Variants in MARCHF4 observed in about 807,000 individuals in gnomAD.
The protein encoded by MARCHF4 is membrane associated ring-CH-type finger 4.
Under a neutral mutation model 43.9 loss-of-function variants are expected in MARCHF4, and 14 were observed. That is an observed-to-expected ratio of 0.32 (90% CI 0.21 to 0.50). MARCHF4 has a LOEUF of 0.50. Ranked by LOEUF, MARCHF4 falls within the 20% of genes least tolerant of loss-of-function variation. The probability of loss-of-function intolerance (pLI) is 0.98; values close to 1 mark genes in which losing one functional copy is unlikely to be tolerated. For missense variants in MARCHF4, 468 were observed against 536.7 expected (o/e 0.87, Z 1.27); for synonymous variants, 226 against 213.3 (o/e 1.06, Z -0.52).
intron 1 of MARCHF4, 54 bp from the exon 2 acceptor site, chr2:216,283,783 T>C: frequency 6.6e-7 from 1 of 1,510,688 alleles, no homozygotes; most frequent in South Asian, 1.3e-5. Flanking sequence ...GGCTGGTGGG[T>C]GAGTGATGGG....
intron 1 of MARCHF4, among the ~76,000 whole-genome samples, chr2:216,335,554 T>C (rs1429206198): frequency 1.3e-5 from 2 of 152,180 alleles, no homozygotes; most frequent in African/African-American, 4.8e-5. Context: ...TACCATCTAA[T>C]ATGAAATTCT....
chr2:216,368,835 G>A (rs1692707643), intron 1 of MARCHF4, among the ~76,000 whole-genome samples: 1 of 152,180 alleles, frequency 6.6e-6, no homozygotes, highest in Admixed American at 6.5e-5. Flanking sequence ...AGTTCCTGAA[G>A]AATGTACACA....
At chr2:216,354,959 C>CTTTT (rs1256584490) in intron 1 of MARCHF4, among the ~76,000 whole-genome samples, 6 of 135,222 alleles carry the variant, frequency 4.4e-5, no homozygotes, top group Admixed American at 3.0e-4. Flanking sequence ...TTCTTTCTTT[C>CTTTT]TTTCTTTCTT....
chr2:216,360,750 A>G (rs1353681387), intron 1 of MARCHF4, among the ~76,000 whole-genome samples: 2 of 152,244 alleles, frequency 1.3e-5, no homozygotes, highest in Non-Finnish European at 2.9e-5. Context: ...CATGTAATCT[A>G]TGGACTTTGG....
intron 1 of MARCHF4, among the ~76,000 whole-genome samples, chr2:216,297,423 C>T (rs796301675): frequency 1.3e-5 from 2 of 152,172 alleles, no homozygotes; most frequent in Non-Finnish European, 2.9e-5. Flanking sequence ...ACAGCCCACA[C>T]CTCTGCACTC....
intron 1 of MARCHF4, among the ~76,000 whole-genome samples, chr2:216,306,964 CCTCT>C (rs71988758): frequency 3.3e-5 from 5 of 150,790 alleles, no homozygotes; most frequent in African/African-American, 9.8e-5. Flanking sequence ...TACCTCCTGT[CCTCT>C]CTCTCTCTCT....
chr2:216,261,737 A>G (rs1690746582), intron 3 of MARCHF4, among the ~76,000 whole-genome samples: 1 of 152,196 alleles, frequency 6.6e-6, no homozygotes, highest in African/African-American at 2.4e-5. Flanking sequence ...TAGAGGTAGA[A>G]CTTGAAGACT....
intron 3 of MARCHF4, 33 bp downstream of exon 3, chr2:216,277,639 C>T (rs756053492): frequency 1.3e-6 from 2 of 1,560,752 alleles, no homozygotes; most frequent in Admixed American, 1.7e-5. Context: ...ACATGGTTCC[C>T]CACTTCCCAT....
At chr2:216,344,192 C>G (rs1037263606) in intron 1 of MARCHF4, among the ~76,000 whole-genome samples, 1 of 152,106 alleles carries the variant, frequency 6.6e-6, no homozygotes, top group African/African-American at 2.4e-5. Flanking sequence ...GAAAGACAAA[C>G]TAAAACAGAA....
Position 216,316,877 on chromosome 2 carries a change from C to T in MARCHF4, c.517-33148G>A, listed in dbSNP as rs190597224. On this transcript the variant is annotated intron_variant, in intron 1 of 3. Transcript: ENST00000273067. ...GCATAAGGGATGAGGAGAGACTAGT[C>T]ACTGGGCACATCAGAGGACTCCAAG... Among the ~76,000 whole-genome samples, 6 of 152,292 alleles carry T rather than the reference C, an allele frequency of 3.9e-5. No homozygotes were observed. The East Asian group carries it at 1.2e-3, about 29-fold the overall frequency.
chr2:216,269,487 A>G (rs542134183), intron 3 of MARCHF4, among the ~76,000 whole-genome samples: 1 of 152,156 alleles, frequency 6.6e-6, no homozygotes, highest in East Asian at 1.9e-4. Context: ...AAAAAGCACT[A>G]CTCCAAATAA....
chr2:216,318,053 A>T (rs1691811272), intron 1 of MARCHF4: 1 of 152,260 alleles, frequency 6.6e-6, no homozygotes, highest in African/African-American at 2.4e-5. Context: ...CATGTTGCTC[A>T]TTGCAGAATC....
intron 3 of MARCHF4, among the ~76,000 whole-genome samples, chr2:216,261,072 C>T (rs759970255): frequency 4.6e-5 from 7 of 152,090 alleles, no homozygotes; most frequent in African/African-American, 1.7e-4. Context: ...GCACCAGAGG[C>T]GGGCTATGGA....
At chr2:216,368,801 T>C (rs1179362886) in intron 1 of MARCHF4, among the ~76,000 whole-genome samples, 1 of 152,224 alleles carries the variant, frequency 6.6e-6, no homozygotes, top group Admixed American at 6.5e-5. Flanking sequence ...CTGTGATTCT[T>C]TGGAGAGTGT....
chr2:216,369,177 A>G (rs961818386), intron 1 of MARCHF4, among the ~76,000 whole-genome samples: 4 of 152,184 alleles, frequency 2.6e-5, no homozygotes, highest in Admixed American at 2.6e-4. Flanking sequence ...TGGACCTAGA[A>G]TCCCTCTCCA....
intron 1 of MARCHF4, among the ~76,000 whole-genome samples, chr2:216,311,806 A>G (rs1285117229): frequency 6.6e-6 from 1 of 152,082 alleles, no homozygotes; most frequent in Admixed American, 6.5e-5. Context: ...TTATTCTCCC[A>G]TCCATAGTGT....
intron 1 of MARCHF4, among the ~76,000 whole-genome samples, chr2:216,328,374 C>T (rs1289342347): frequency 6.6e-6 from 1 of 152,146 alleles, no homozygotes; most frequent in African/African-American, 2.4e-5. Flanking sequence ...ACCATGTTGG[C>T]CAGAATGGTC....
At chr2:216,274,799 A>C (rs1690994999) in intron 3 of MARCHF4, among the ~76,000 whole-genome samples, 1 of 152,228 alleles carries the variant, frequency 6.6e-6, no homozygotes, top group African/African-American at 2.4e-5. Flanking sequence ...CCTCTGTTTC[A>C]GAATTTCACA....
chr2:216,331,203 T>C (rs1407810303), intron 1 of MARCHF4, among the ~76,000 whole-genome samples: 1 of 152,010 alleles, frequency 6.6e-6, no homozygotes, highest in African/African-American at 2.4e-5. Flanking sequence ...TTTCAGACAC[T>C]AAGAAGTTAA....
Sources: gnomAD v4.1 joint callset for allele counts (sites outside exome capture counted in the v4.1 genomes callset) on GRCh38, gnomAD v4.1.1 for gene constraint, MANE v1.5 for transcripts, NCBI Gene and HGNC (gene_info 2026-07-23, HGNC 2026-07-21) for gene names.